Variants in CSF1 observed in about 807,000 individuals in gnomAD.
CSF1 encodes macrophage colony-stimulating factor 1.
Under a neutral mutation model 48.9 loss-of-function variants are expected in CSF1, and 9 were observed. The observed-to-expected ratio is 0.18, with a 90% CI of 0.11 to 0.32. The LOEUF is 0.32. Ranked by LOEUF, CSF1 falls within the 10% of genes least tolerant of loss-of-function variation. The pLI is 1.00. For synonymous variants in CSF1, 305 were observed against 284.1 expected, an observed-to-expected ratio of 1.07 and a Z score of -0.74; for missense variants, 672 against 697.9, an observed-to-expected ratio of 0.96 and a Z score of 0.42.
At chr1:109,918,654 C>T (rs1647366741) in intron 4 of CSF1, among the ~76,000 whole-genome samples, 1 of 152,064 alleles carries the variant, frequency 6.6e-6, no homozygotes, top group African/African-American at 2.4e-5. Context: ...GTCTTGAGCA[C>T]CTGGATATTC....
Position 109,923,894 on chromosome 1 carries a change from C to G in CSF1, c.1273C>G (p.Leu425Val). 6.2e-7 allele frequency: 1 copy of G among 1,614,132 alleles called. No individual in the cohort carries two copies. The highest frequency in any genetic ancestry group is 8.5e-7 in the Non-Finnish European group (1 of 1,179,940). ...CTCCACCCTCTCTGCTCAGCCACAGCTTTCCAGAAGCCACTCCTCGGGCAG... is the reference window on the plus strand; with the variant it reads ...CTCCACCCTCTCTGCTCAGCCACAGGTTTCCAGAAGCCACTCCTCGGGCAG... Reference protein sequence around the residue: ...NPSTLSAQPQLSRSHSSGSVL... With the variant: ...NPSTLSAQPQVSRSHSSGSVL... The change falls in exon 6 of 9, where the codon CTT becomes GTT. Residue 425 changes from leucine (L) to valine (V), a missense_variant. By Grantham distance (32) the Leu-to-Val change is conservative. Transcript: ENST00000329608.
Position 109,923,921 on chromosome 1 carries a change from G to T in CSF1, c.1300G>T (p.Val434Leu). ...TTCCAGAAGCCACTCCTCGGGCAGC[G>T]TGCTGCCCCTTGGGGAGCTGGAGGG... Reference protein sequence around the residue: ...QLSRSHSSGSVLPLGELEGRR... With the variant: ...QLSRSHSSGSLLPLGELEGRR... Residue 434 changes from valine to leucine, a missense_variant, in exon 6 of 9, where the codon GTG becomes TTG. Physicochemically the swap from Val to Leu is conservative, Grantham distance 32. Coordinates refer to ENST00000329608, the MANE Select transcript of CSF1 (RefSeq NM_000757.6). 1 of 1,614,126 alleles carries T rather than the reference G, an allele frequency of 6.2e-7. No homozygotes were observed. Among genetic ancestry groups the T allele is most frequent in the Admixed American group, 1.7e-5 (1 of 60,032 alleles).
At position 109,923,999 on chromosome 1, in the gene CSF1, G is replaced by A; in HGVS notation, c.1378G>A (p.Ala460Thr). Residue 460 changes from alanine (A) to threonine (T), a missense_variant, in exon 6 of 9, where the codon GCA becomes ACA. Around this residue, in one of 3 missense-constraint regions of CSF1, gnomAD observed 591 missense variants for 593.6 expected, o/e 1.00. Transcript: ENST00000329608. ...RSPAEPEGGP[A>T]SEGAARPLPR... is the part of the protein sequence containing the mutation. ...CCCCGCAGAGCCAGAAGGAGGACCA[G>A]CAAGTGAAGGGGCAGCCAGGCCCCT... 12 of 1,614,216 alleles carry A rather than the reference G, an allele frequency of 7.4e-6. No homozygotes were observed. The highest frequency in any genetic ancestry group is 1.0e-5 in the Non-Finnish European group (12 of 1,180,038).
At chr1:109,914,206 G>T (rs767821994) in intron 1 of CSF1, 53 bp from the exon 2 acceptor site, 4 of 1,544,300 alleles carry the variant, frequency 2.6e-6, no homozygotes, top group Non-Finnish European at 3.5e-6. Context: ...CAGGGCATGG[G>T]GATAACTGGG....
In CSF1 at chr1:109,923,569, C is replaced by T. The variant is rs768261769; in HGVS notation, c.948C>T (p.Pro316=). ...EEASGEASEI[P]VPQGTELSPS... ...CCTCTGGAGAGGCCAGTGAGATTCC[C>T]GTACCCCAAGGGACAGAGCTTTCCC... The change falls in exon 6 of 9, where the codon CCC becomes CCT. Residue 316 remains proline (P), a synonymous_variant. Transcript: ENST00000329608. 90 of 1,614,030 alleles carry T rather than the reference C, an allele frequency of 5.6e-5. No homozygotes were observed. Among genetic ancestry groups the T allele is most frequent in the Non-Finnish European group, 6.9e-5 (81 of 1,180,024 alleles).
chr1:109,919,927 A>AAAATAAAT (rs35887432), intron 4 of CSF1, among the ~76,000 whole-genome samples: 2,810 of 146,326 alleles, frequency 0.019, 41 homozygotes, highest in Middle Eastern at 0.031. Context: ...ACTCCATCTC[A>AAAATAAAT]AAATAAATAA....
At chr1:109,911,705 A>C (rs1654696417) in intron 1 of CSF1, among the ~76,000 whole-genome samples, 1 of 152,212 alleles carries the variant, frequency 6.6e-6, no homozygotes. Flanking sequence ...GCTTGGGGCT[A>C]GCTCAGAATC....
At chr1:109,918,244 G>A (rs1570792607) in intron 4 of CSF1, among the ~76,000 whole-genome samples, 1 of 152,188 alleles carries the variant, frequency 6.6e-6, no homozygotes, top group African/African-American at 2.4e-5. Context: ...GCACATTCAG[G>A]GACCCAAAGG....
intron 1 of CSF1, among the ~76,000 whole-genome samples, chr1:109,911,424 T>G (rs1654679357): frequency 1.3e-5 from 2 of 152,182 alleles, no homozygotes; most frequent in South Asian, 4.1e-4. Context: ...GGCTGTGCGC[T>G]GAGTGTGTGC....
In CSF1 at chr1:109,923,578, A is replaced by G; in HGVS notation, c.957A>G (p.Gln319=). The change falls in exon 6 of 9, where the codon CAA becomes CAG. Residue 319 remains glutamine (Q), a synonymous_variant. Transcript: ENST00000329608. ...SGEASEIPVP[Q]GTELSPSRPG... ...AGGCCAGTGAGATTCCCGTACCCCA[A>G]GGGACAGAGCTTTCCCCCTCCAGGC... 1 of 1,614,140 alleles carries G rather than the reference A, an allele frequency of 6.2e-7. No homozygotes were observed.
In CSF1 at chr1:109,910,967, C is replaced by T; in HGVS notation, c.-57C>T. ...GGGGCGCCCACTCCGCAGCAGCCAG[C>T]GAGCGAGCGAGCGAGCGAGGGCGGC... On this transcript the variant is annotated 5_prime_UTR_variant, in exon 1 of 9. Transcript: ENST00000329608. The T allele has an allele frequency of 9.4e-7, 1 of 1,062,508 alleles. No homozygotes were observed. Among genetic ancestry groups the T allele is most frequent in the Non-Finnish European group, 1.2e-6 (1 of 868,776 alleles). 65.8% of individuals were successfully genotyped at this position (1,062,508 alleles called of 1,614,324 possible).
At chr1:109,912,039 G>C (rs1355765192) in intron 1 of CSF1, among the ~76,000 whole-genome samples, 1 of 152,118 alleles carries the variant, frequency 6.6e-6, no homozygotes, top group Non-Finnish European at 1.5e-5. Flanking sequence ...GGGTAGAGGA[G>C]AGCGGGCTGC....
At chr1:109,928,342 A>G (rs577246465) in intron 8 of CSF1, among the ~76,000 whole-genome samples, 1 of 152,302 alleles carries the variant, frequency 6.6e-6, no homozygotes, top group East Asian at 1.9e-4. Context: ...TCTCTGGCCC[A>G]AGTTGTTCCT....
rs574762856 is a variant in CSF1, at chr1:109,914,185, T to C, written c.40-74T>C. The C allele has an allele frequency of 1.3e-5, 19 of 1,468,994 alleles. No homozygotes were observed. The South Asian group carries it at 2.4e-4, about 19-fold the overall frequency. 91.0% of individuals were successfully genotyped at this position (1,468,994 alleles called of 1,614,324 possible). ...ATTGTAGATATGAGGCCTTTGTTTTTCTGCGTTGAGCAGGGCATGGGGATA... is the reference window on the plus strand; with the variant it reads ...ATTGTAGATATGAGGCCTTTGTTTTCCTGCGTTGAGCAGGGCATGGGGATA... On this transcript the variant is annotated intron_variant, in intron 1 of 8. Transcript: ENST00000329608.
chr1:109,919,046 C>T (rs1055529070), intron 4 of CSF1, among the ~76,000 whole-genome samples: 1 of 152,040 alleles, frequency 6.6e-6, no homozygotes, highest in Admixed American at 6.6e-5. Flanking sequence ...CATAAAAAAG[C>T]GTTGAGAAAT....
chr1:109,918,474 G>A (rs1488760457), intron 4 of CSF1, among the ~76,000 whole-genome samples: 1 of 152,196 alleles, frequency 6.6e-6, no homozygotes, highest in Non-Finnish European at 1.5e-5. Context: ...ACCAGCAGAA[G>A]GTGTGAGTCC....
chr1:109,913,580 C>A (rs1200514202), intron 1 of CSF1, among the ~76,000 whole-genome samples: 5 of 152,228 alleles, frequency 3.3e-5, no homozygotes, highest in Admixed American at 2.6e-4. Flanking sequence ...GGAGGCAAAG[C>A]CTGATGGTGC....
At chr1:109,925,628 C>T (rs375270755) in intron 8 of CSF1, among the ~76,000 whole-genome samples, 92 of 152,238 alleles carry the variant, frequency 6.0e-4, no homozygotes, top group African/African-American at 2.0e-3. Context: ...CTTGCCAGAT[C>T]GCCACCCCCG....
chr1:109,924,798 C>A lies in CSF1; in HGVS notation c.1592C>A (p.Ala531Glu), dbSNP rs2229167. ...CAGAGCCATCAAGAGCCTCAGAGAGCGGATTCTCCCTTGGAGCAACCAGAG... is the reference window on the plus strand; with the variant it reads ...CAGAGCCATCAAGAGCCTCAGAGAGAGGATTCTCCCTTGGAGCAACCAGAG... ...RRRSHQEPQR[A>E]DSPLEQPEGS... The change falls in exon 7 of 9, where the codon GCG becomes GAG. Residue 531 changes from alanine (A) to glutamate (E), a missense_variant. Transcript: ENST00000329608. The A allele has an allele frequency of 6.2e-7, 1 of 1,601,696 alleles. No individual in the cohort carries two copies. The highest frequency in any genetic ancestry group is 1.7e-5 in the Admixed American group (1 of 58,364).
Sources: allele counts gnomAD v4.1 joint callset (sites outside exome capture counted in the v4.1 genomes callset), GRCh38; gene constraint gnomAD v4.1.1; regional missense constraint gnomAD v4.1.1; transcripts MANE v1.5; gene names NCBI Gene and HGNC (gene_info 2026-07-23, HGNC 2026-07-21).